GNG2: variants seen among roughly 807,000 people sequenced by gnomAD.
GNG2 encodes the protein G protein subunit gamma 2, also known as guanine nucleotide-binding protein G(I)/G(S)/G(O) subunit gamma-2.
A neutral mutation model predicts 5.5 loss-of-function variants in GNG2; 5 were observed. That is an observed-to-expected ratio of 0.91 (90% confidence interval 0.48 to 1.92). The LOEUF is 1.92. Among genes scored for constraint, GNG2 ranks in the 30% most tolerant of loss-of-function variants. The pLI, the probability that GNG2 is intolerant of heterozygous loss-of-function variation, is 0.01. For missense variants in GNG2, 55 were observed against 88.4 expected, an observed-to-expected ratio of 0.62 and a Z score of 1.52; for synonymous variants, 28 against 32.0, an observed-to-expected ratio of 0.88 and a Z score of 0.42.
chr14:51,946,057 A>G (rs1258040767), intron 2 of GNG2, among the ~76,000 whole-genome samples: 1 of 152,200 alleles, frequency 6.6e-6, no homozygotes, highest in African/African-American at 2.4e-5. Context: ...GTCTTTTTTA[A>G]CATATACAAA....
At chr14:51,945,898 G>GTTGTTTGTTTGTTTGT (rs142051968) in intron 2 of GNG2, among the ~76,000 whole-genome samples, 1 of 151,428 alleles carries the variant, frequency 6.6e-6, no homozygotes, top group East Asian at 2.0e-4. Context: ...CTCACGTTGC[G>GTTGTTTGTTTGTTTGT]TTGTTTGTTT....
chr14:51,950,665 T>C lies in GNG2; in HGVS notation c.-14T>C, dbSNP rs781427591. The C allele has an allele frequency of 5.6e-6, 9 of 1,597,180 alleles. No individual in the cohort carries two copies. The highest frequency in any genetic ancestry group is 6.9e-6 in the Non-Finnish European group (8 of 1,167,868). ...TCTTTTCTAGTGTTTCTGAAAGATC[T>C]ATCCAGCACTCCGATGGCCAGCAAC... On this transcript the variant is annotated 5_prime_UTR_variant, in exon 3 of 4. Transcript: ENST00000556766.
At position 51,860,693 on chromosome 14, in the gene GNG2, T is replaced by A; in HGVS notation, c.-168T>A. 1 of 151,516 alleles carries A rather than the reference T, an allele frequency of 6.6e-6. No homozygotes were observed. Among genetic ancestry groups the A allele is most frequent in the Non-Finnish European group, 1.5e-5 (1 of 68,354 alleles). The allele number at this position is 151,516 out of a possible 1,614,324, so 9.4% of individuals were successfully genotyped here. A position where few individuals can be genotyped will look rare whatever the true frequency, so the allele number is the denominator to read the frequency against. On this transcript the variant is annotated 5_prime_UTR_variant, in exon 1 of 4. Transcript: ENST00000556766. ...TGGGCAACTCCTACTACTGCTGGGC[T>A]GGGCTGGGCTGGGCTGGGCTGCGCC...
At chr14:51,942,936 T>C (rs1466083966) in intron 2 of GNG2, among the ~76,000 whole-genome samples, 1 of 152,092 alleles carries the variant, frequency 6.6e-6, no homozygotes, top group Non-Finnish European at 1.5e-5. Flanking sequence ...TCTAGCACTA[T>C]CCAACCTTTG....
At chr14:51,931,576 A>G (rs1887660753) in intron 2 of GNG2, among the ~76,000 whole-genome samples, 1 of 152,192 alleles carries the variant, frequency 6.6e-6, no homozygotes, top group Non-Finnish European at 1.5e-5. Context: ...TCAACATACA[A>G]GAATAAAGTG....
intron 2 of GNG2, among the ~76,000 whole-genome samples, chr14:51,911,214 T>C (rs1490665425): frequency 2.0e-5 from 3 of 152,200 alleles, no homozygotes; most frequent in African/African-American, 7.2e-5. Flanking sequence ...GGTGCCATGC[T>C]TTAATGGAAT....
chr14:51,906,490 T>C (rs1175315289), intron 2 of GNG2, among the ~76,000 whole-genome samples: 1 of 152,064 alleles, frequency 6.6e-6, no homozygotes, highest in Non-Finnish European at 1.5e-5. Flanking sequence ...GAATAAGAAT[T>C]TTTTAACCTT....
At chr14:51,964,523 A>G (rs1160650211) in intron 3 of GNG2, among the ~76,000 whole-genome samples, 1 of 152,188 alleles carries the variant, frequency 6.6e-6, no homozygotes, top group Admixed American at 6.6e-5. Context: ...TATGTCAATC[A>G]TAAATCAGCT....
At chr14:51,952,916 TA>T (rs2140288995) in intron 3 of GNG2, among the ~76,000 whole-genome samples, 1 of 152,298 alleles carries the variant, frequency 6.6e-6, no homozygotes, top group East Asian at 1.9e-4. Context: ...CCATCACCAG[TA>T]AAATAAAATT....
chr14:51,925,566 C>T (rs1433458731), intron 2 of GNG2, among the ~76,000 whole-genome samples: 1 of 152,140 alleles, frequency 6.6e-6, no homozygotes, highest in African/African-American at 2.4e-5. Context: ...TTCTTGAGGG[C>T]CTGCTCCTCA....
chr14:51,863,351 C>G (rs143054831), intron 1 of GNG2, among the ~76,000 whole-genome samples: 1 of 152,244 alleles, frequency 6.6e-6, no homozygotes, highest in East Asian at 1.9e-4. Context: ...AATACATAAT[C>G]AAAGTTGTTG....
At chr14:51,874,749 C>T (rs554165220) in intron 1 of GNG2, among the ~76,000 whole-genome samples, 6 of 151,758 alleles carry the variant, frequency 4.0e-5, no homozygotes, top group South Asian at 2.1e-4. Flanking sequence ...AAAAAAAAGT[C>T]GGGTATCCTC....
intron 3 of GNG2, among the ~76,000 whole-genome samples, chr14:51,955,663 A>G (rs937530885): frequency 1.6e-4 from 25 of 152,350 alleles, no homozygotes; most frequent in African/African-American, 5.5e-4. Context: ...TAACTGGACA[A>G]ATAAAGCTGT....
At chr14:51,839,352 TTGAGTTTC>T (rs1881422298) in intron 2 of GNG2, among the ~76,000 whole-genome samples, 1 of 152,204 alleles carries the variant, frequency 6.6e-6, no homozygotes, top group African/African-American at 2.4e-5. Flanking sequence ...TTGCATTCTT[TTGAGTTTC>T]TGATTAGCGT....
At chr14:51,836,068 T>C (rs1168617935) in intron 2 of GNG2, among the ~76,000 whole-genome samples, 1 of 151,556 alleles carries the variant, frequency 6.6e-6, no homozygotes, top group Non-Finnish European at 1.5e-5. Context: ...GCAGATCTAG[T>C]GTTTGGTTCG....
At chr14:51,908,573 G>T (rs9707478) in intron 2 of GNG2, among the ~76,000 whole-genome samples, 32,270 of 139,014 alleles carry the variant, frequency 0.23, 4,294 homozygotes, top group African/African-American at 0.39. Context: ...CATATATATA[G>T]AGAGAGAGAG....
chr14:51,853,233 G>A lies in GNG2; in HGVS notation c.64+25426G>A, dbSNP rs546368143. Among the ~76,000 whole-genome samples, 94 of 152,328 alleles carry A rather than the reference G, an allele frequency of 6.2e-4. 3 individuals are homozygous for A. The South Asian group carries it at 0.014, about 23-fold the overall frequency. On this transcript the variant is annotated intron_variant, in intron 2 of 3. Transcript: ENST00000553432. ...CAAACAAATACTGAGTGCACGCAAT[G>A]TACAAAGTGCTGTGCGAGGTGGGTG...
chr14:51,858,288 T>A (rs1369367749), upstream of GNG2, among the ~76,000 whole-genome samples: 2 of 152,182 alleles, frequency 1.3e-5, no homozygotes, highest in East Asian at 1.9e-4. Context: ...TGAAAAGCAA[T>A]GAGGTATTAA....
At chr14:51,885,974 A>G (rs1300276793) in intron 2 of GNG2, among the ~76,000 whole-genome samples, 2 of 152,190 alleles carry the variant, frequency 1.3e-5, no homozygotes, top group East Asian at 3.8e-4. Context: ...ATTTTTCACT[A>G]TATATGATAA....
Sources: gnomAD v4.1 joint callset for allele counts (sites outside exome capture counted in the v4.1 genomes callset) on GRCh38, gnomAD v4.1.1 for gene constraint, MANE v1.5 for transcripts, NCBI Gene and HGNC (gene_info 2026-07-23, HGNC 2026-07-21) for gene names.